Variants in LTBP1 observed in about 807,000 individuals in gnomAD.
LTBP1 encodes latent-transforming growth factor beta-binding protein 1.
Under a neutral mutation model 207.6 loss-of-function variants are expected in LTBP1, and 129 were observed. The observed-to-expected ratio is 0.62, with a 90% CI of 0.54 to 0.72. The LOEUF is 0.72. Among genes scored for constraint, LTBP1 ranks in the 30% least tolerant of loss-of-function variants. The pLI is 0.00. For synonymous variants in LTBP1, 963 were observed against 833.7 expected (o/e 1.16, Z -2.67); for missense variants, 2,281 against 2,217.2 (o/e 1.03, Z -0.58).
intron 3 of LTBP1, among the ~76,000 whole-genome samples, chr2:33,049,597 G>A (rs183318297): frequency 1.5e-4 from 23 of 152,076 alleles, no homozygotes; most frequent in Admixed American, 1.2e-3. Context: ...TGATAAAAAG[G>A]GTTAATAAAG....
chr2:33,034,205 C>T (rs577394081), intron 3 of LTBP1, among the ~76,000 whole-genome samples: 21 of 143,872 alleles, frequency 1.5e-4, no homozygotes, highest in African/African-American at 3.7e-4. Flanking sequence ...AAGAAAGAGA[C>T]GAGACTTGAA....
chr2:33,040,479 C>G (rs1273198479), intron 3 of LTBP1, among the ~76,000 whole-genome samples: 3 of 152,168 alleles, frequency 2.0e-5, no homozygotes, highest in Non-Finnish European at 4.4e-5. Context: ...CTGGGAGTTC[C>G]AAGAAGAGGG....
intron 3 of LTBP1, among the ~76,000 whole-genome samples, chr2:33,108,277 C>T (rs1572669683): frequency 6.7e-6 from 1 of 149,750 alleles, no homozygotes; most frequent in South Asian, 2.1e-4. Flanking sequence ...GCACGCACCT[C>T]ATGGGGGGAA....
chr2:32,947,279 AGGGGGCCGGACCGCGCGCGACC>A lies in LTBP1; in HGVS notation c.-43_-22del, dbSNP rs2148149144. 1 of 1,112,838 alleles carries A rather than the reference AGGGGGCCGGACCGCGCGCGACC, an allele frequency of 9.0e-7. No individual in the cohort carries two copies. The highest frequency in any genetic ancestry group is 3.9e-5 in the East Asian group (1 of 25,940). 68.9% of individuals were successfully genotyped at this position (1,112,838 alleles called of 1,614,324 possible). The stretch of plus-strand genomic sequence containing the variant: ...GAAAGGCGAGCCGCACGGCCGGGGG[AGGGGGCCGGACCGCGCGCGACC>A]GGTCGCGCCCGCTGGGGCCCGCGAT... On this transcript the variant is annotated 5_prime_UTR_variant, in exon 1 of 34. Transcript: ENST00000404816.
In LTBP1 at chr2:33,365,212, T is replaced by C; in HGVS notation, c.4541-121T>C. 4.9e-6 allele frequency: 4 copies of C among 816,534 alleles called. No individual in the cohort carries two copies. The South Asian group carries it at 6.8e-5, about 14-fold the overall frequency. The allele number at this position is 816,534 out of a possible 1,614,324, so 50.6% of individuals were successfully genotyped here. On this transcript the variant is annotated intron_variant, in intron 30 of 33. Transcript: ENST00000404816. ...TGAAAGACCAGACTGGATTCAGACT[T>C]TTACTTGGAAGTCACTCTTAGAAAT...
chr2:33,159,871 A>G (rs2084306609), intron 5 of LTBP1, among the ~76,000 whole-genome samples: 1 of 152,066 alleles, frequency 6.6e-6, no homozygotes, highest in Non-Finnish European at 1.5e-5. Flanking sequence ...GGCCTAGCAA[A>G]TTCATTTTAT....
chr2:32,956,049 C>T (rs1159486879), intron 2 of LTBP1, among the ~76,000 whole-genome samples: 1 of 152,072 alleles, frequency 6.6e-6, no homozygotes, highest in Admixed American at 6.5e-5. Flanking sequence ...TCTAAAAAGG[C>T]AAGTGTATAC....
At chr2:33,031,763 T>A (rs1182427547) in intron 3 of LTBP1, among the ~76,000 whole-genome samples, 2 of 152,164 alleles carry the variant, frequency 1.3e-5, no homozygotes, top group Non-Finnish European at 2.9e-5. Context: ...GAAATGAGAT[T>A]GAGTGGGCAG....
intron 3 of LTBP1, among the ~76,000 whole-genome samples, chr2:33,099,501 C>T (rs1043952830): frequency 1.3e-5 from 2 of 152,126 alleles, no homozygotes; most frequent in African/African-American, 2.4e-5. Context: ...TTTGGAGCTA[C>T]AGTTCTTGAT....
intron 2 of LTBP1, among the ~76,000 whole-genome samples, chr2:32,991,407 C>G (rs1302836741): frequency 6.6e-6 from 1 of 152,080 alleles, no homozygotes; most frequent in African/African-American, 2.4e-5. Flanking sequence ...CTAAATTTGG[C>G]AAAATAATTG....
intron 2 of LTBP1, among the ~76,000 whole-genome samples, chr2:32,959,492 A>G (rs1391604800): frequency 2.0e-5 from 3 of 150,668 alleles, no homozygotes; most frequent in Non-Finnish European, 4.4e-5. Context: ...ATTACCAGAC[A>G]ATTCCAATGT....
intron 15 of LTBP1, among the ~76,000 whole-genome samples, chr2:33,265,684 T>C (rs1558913134): frequency 6.6e-6 from 1 of 152,108 alleles, no homozygotes; most frequent in African/African-American, 2.4e-5. Flanking sequence ...ACACTAGATA[T>C]TAGCAGTGGT....
intron 2 of LTBP1, among the ~76,000 whole-genome samples, chr2:33,002,965 AC>A (rs1481510878): frequency 2.0e-5 from 3 of 152,216 alleles, no homozygotes; most frequent in Admixed American, 6.5e-5. Flanking sequence ...GGCGTAAGCG[AC>A]CGTGCCTGGC....
chr2:33,257,148 TG>T (rs2092885593), intron 11 of LTBP1, 135 bp from the exon 12 acceptor site: 1 of 665,754 alleles, frequency 1.5e-6, no homozygotes, highest in African/African-American at 1.8e-5. Context: ...GCTTACATTT[TG>T]CACCTGTTTT....
At chr2:33,392,375 T>A (rs1354121278) in intron 32 of LTBP1, among the ~76,000 whole-genome samples, 1 of 152,120 alleles carries the variant, frequency 6.6e-6, no homozygotes, top group Non-Finnish European at 1.5e-5. Context: ...TTAGTAGAGA[T>A]GGAGTTTCAC....
At chr2:33,078,849 T>A (rs1398318992) in intron 3 of LTBP1, among the ~76,000 whole-genome samples, 1 of 55,456 alleles carries the variant, frequency 1.8e-5, no homozygotes, top group Non-Finnish European at 6.4e-5. Context: ...TCTGTTTTCT[T>A]TTCTTTTCTT....
At chr2:33,311,563 C>G (rs2094188796) in intron 23 of LTBP1, among the ~76,000 whole-genome samples, 1 of 149,744 alleles carries the variant, frequency 6.7e-6, no homozygotes, top group South Asian at 2.1e-4. Context: ...AAACCAAACC[C>G]TGACTCTTGT....
At chr2:33,209,455 C>G (rs1233605062) in intron 7 of LTBP1, among the ~76,000 whole-genome samples, 1 of 152,152 alleles carries the variant, frequency 6.6e-6, no homozygotes, top group Non-Finnish European at 1.5e-5. Context: ...GTGAAATCAT[C>G]TGCCGCTTGA....
chr2:33,039,386 A>G (rs1049695295), intron 3 of LTBP1, among the ~76,000 whole-genome samples: 1 of 152,078 alleles, frequency 6.6e-6, no homozygotes. Flanking sequence ...ATACTCCTGA[A>G]TGAATTTTGG....
Sources: allele counts gnomAD v4.1 joint callset (sites outside exome capture counted in the v4.1 genomes callset), GRCh38; gene constraint gnomAD v4.1.1; transcripts MANE v1.5; gene names NCBI Gene and HGNC (gene_info 2026-07-23, HGNC 2026-07-21).